SLC16A8: variants seen among roughly 807,000 people sequenced by gnomAD.
SLC16A8 encodes solute carrier family 16 member 8, also known as monocarboxylate transporter 3.
In SLC16A8, 20 loss-of-function variants were observed where a neutral mutation model predicts 22.4. That is an observed-to-expected ratio of 0.89 (90% CI 0.63 to 1.30). SLC16A8 has a LOEUF of 1.30. SLC16A8 is among the 50% of genes most tolerant of loss of function. The probability of loss-of-function intolerance (pLI) is 0.00; values close to 1 mark genes in which losing one functional copy is unlikely to be tolerated. For synonymous variants in SLC16A8, 393 were observed against 358.8 expected, an observed-to-expected ratio of 1.10 and a Z score of -1.08; for missense variants, 817 against 740.3, an observed-to-expected ratio of 1.10 and a Z score of -1.20.
chr22:38,081,657 G>C lies in SLC16A8; in HGVS notation c.381C>G (p.Phe127Leu). The C allele has an allele frequency of 3.3e-6, 5 of 1,525,478 alleles. No homozygotes were observed. The highest frequency in any genetic ancestry group is 4.4e-6 in the Non-Finnish European group (5 of 1,141,540). 94.5% of individuals were successfully genotyped at this position (1,525,478 alleles called of 1,614,324 possible). ...GCCCCAGCATGATGAGCGACGGCTG[G>C]AAGTTGAGGGCCAGGCCCAGGCCTG... ...VLTGLGLALN[F>L]QPSLIMLGLY... The change falls in exon 5 of 6, where the codon TTC becomes TTG. Residue 127 changes from phenylalanine (F) to leucine (L), a missense_variant. Coordinates refer to ENST00000681075, the MANE Select transcript of SLC16A8 (RefSeq NM_013356.3).
chr22:38,080,663 C>T (rs1004625666), intron 5 of SLC16A8, among the ~76,000 whole-genome samples, 177 bp downstream of exon 5: 1 of 152,238 alleles, frequency 6.6e-6, no homozygotes, highest in Non-Finnish European at 1.5e-5. Flanking sequence ...CTTTTCTGTC[C>T]TCACCCAGAG....
At chr22:38,082,243 G>A (rs564791174) in intron 3 of SLC16A8, among the ~76,000 whole-genome samples, 2 of 152,246 alleles carry the variant, frequency 1.3e-5, no homozygotes, top group African/African-American at 4.8e-5. Flanking sequence ...CGGAGCGGGG[G>A]CTTCCGCACC....
chr22:38,082,064 C>A, intron 3 of SLC16A8, 32 bp from the exon 4 acceptor site: 1 of 1,552,502 alleles, frequency 6.4e-7, no homozygotes, highest in East Asian at 2.4e-5. Context: ...CACCCGGGTC[C>A]CGGGATGGCT....
Position 38,081,111 on chromosome 22 carries a change from C to A in SLC16A8, c.927G>T (p.Leu309=), listed in dbSNP as rs375518367. 18 of 1,547,716 alleles carry A rather than the reference C, an allele frequency of 1.2e-5. No individual in the cohort carries two copies. The South Asian group carries it at 1.9e-4, about 16-fold the overall frequency. The change falls in exon 5 of 6, where the codon CTG becomes CTT. Residue 309 remains leucine (L), a synonymous_variant. Transcript: ENST00000681075. ...GCGGCCGCAGACGCGCCAGGCCCGC[C>A]AGGGCGCCGCACGCCGGGCGCGCCA... ...DIVARPACGA[L]AGLARLRPHV...
At chr22:38,081,747 G>C (rs1285516829) in intron 4 of SLC16A8, 68 bp from the exon 5 acceptor site, 1 of 1,456,908 alleles carries the variant, frequency 6.9e-7, no homozygotes, top group Admixed American at 2.6e-5. Context: ...AGGAGGGAGG[G>C]GCCAGGCCCG....
chr22:38,081,035 G>C lies in SLC16A8; in HGVS notation c.1003C>G (p.Leu335Val). The change falls in exon 5 of 6, where the codon CTG (leucine) becomes GTG (valine). Residue 335 changes from leucine to valine, a missense_variant. Physicochemically the swap from Leu to Val is conservative, Grantham distance 32. Transcript: ENST00000681075. ...TAGGAGCGCGCGCGTGCGCTGCTCAGGTCTGTGAGCCCATTGGCCAGCAGG... is the reference window on the plus strand; with the variant it reads ...TAGGAGCGCGCGCGTGCGCTGCTCACGTCTGTGAGCCCATTGGCCAGCAGG... ...LALLANGLTDLSSARARSYGA... is the reference protein window; with the variant it reads ...LALLANGLTDVSSARARSYGA... The C allele has an allele frequency of 1.3e-6, 2 of 1,594,700 alleles. No individual in the cohort carries two copies. Among genetic ancestry groups the C allele is most frequent in the South Asian group, 1.1e-5 (1 of 89,360 alleles).
Position 38,078,694 on chromosome 22 carries a change from C to T in SLC16A8, c.1209G>A (p.Val403=), listed in dbSNP as rs1441406187. 1 of 1,603,008 alleles carries T rather than the reference C, an allele frequency of 6.2e-7. No homozygotes were observed. The highest frequency in any genetic ancestry group is 1.3e-5 in the African/African-American group (1 of 74,754). Reference sequence around the variant, plus strand: ...TGATCTCATAGTTCTTCAACACATCCACCAGGCGGCCTGGGGAGGAGGAGG... The same window carrying T: ...TGATCTCATAGTTCTTCAACACATCTACCAGGCGGCCTGGGGAGGAGGAGG... The part of the protein sequence containing the change: ...LIGPPSAGRL[V]DVLKNYEIIF... Residue 403 remains valine (V), a synonymous_variant, in exon 6 of 6, where the codon GTG becomes GTA. Coordinates refer to ENST00000681075, the MANE Select transcript of SLC16A8 (RefSeq NM_013356.3).
chr22:38,079,669 C>A (rs998464101), intron 5 of SLC16A8, among the ~76,000 whole-genome samples: 1 of 152,208 alleles, frequency 6.6e-6, no homozygotes, highest in Admixed American at 6.5e-5. Flanking sequence ...CTCAGCCCCC[C>A]AAAGCGCTGG....
At chr22:38,078,747 G>A (rs1370379143) in intron 5 of SLC16A8, 43 bp from the exon 6 acceptor site, 2 of 1,558,744 alleles carry the variant, frequency 1.3e-6, no homozygotes, top group East Asian at 2.3e-5. Context: ...AGGTCCTGTG[G>A]GGTCCTCCCC....
rs1259740335 is a variant in SLC16A8, at chr22:38,081,615, C to A, written c.423G>T (p.Arg141=). Residue 141 remains arginine, a synonymous_variant, in exon 5 of 6, where the codon CGG becomes CGT. Coordinates refer to ENST00000681075, the MANE Select transcript of SLC16A8 (RefSeq NM_013356.3). ...CCGCCAGCCCGTTGGCCAGAGGCCG[C>A]CGCCGCTCGAAGTACAGCCCCAGCA... ...LIMLGLYFER[R]RPLANGLAAA... The A allele has an allele frequency of 3.9e-6, 6 of 1,520,880 alleles. No homozygotes were observed. In the South Asian group the frequency reaches 7.3e-5, roughly 18 times the overall value. The allele number at this position is 1,520,880 out of a possible 1,614,324, so 94.2% of individuals were successfully genotyped here. A position where few individuals can be genotyped will look rare whatever the true frequency, so the allele number is the denominator to read the frequency against.
intron 3 of SLC16A8, 115 bp from the exon 4 acceptor site, chr22:38,082,147 C>T (rs901368568): frequency 4.7e-6 from 6 of 1,268,784 alleles, no homozygotes; most frequent in African/African-American, 1.5e-5. Context: ...GCCAAGGTCA[C>T]ACAGCTTGGA....
chr22:38,080,204 C>CG lies in SLC16A8; in HGVS notation c.1198+635_1198+636insC, dbSNP rs775322041. On this transcript the variant is annotated intron_variant, in intron 5 of 5. Coordinates refer to ENST00000681075, the MANE Select transcript of SLC16A8 (RefSeq NM_013356.3). ...GCTTGCATAAGGACGCTGTTCCCCC[C>CG]CAACAAGCCCTGCCCATCCATGCTG... 3.0e-4 allele frequency among the ~76,000 whole-genome samples: 45 copies of CG among 152,268 alleles called. No individual in the cohort carries two copies. The Middle Eastern group carries it at 0.01, about 35-fold the overall frequency.
rs1323736900 is a variant in SLC16A8, at chr22:38,083,171, C to T, written c.-138G>A. Reference sequence around the variant, plus strand: ...GCCCCTCAGGGCCTCAGGTGGAAGGCGTCGGGAAGTGGAGCAGGTATGTGC... The same window carrying T: ...GCCCCTCAGGGCCTCAGGTGGAAGGTGTCGGGAAGTGGAGCAGGTATGTGC... On this transcript the variant is annotated 5_prime_UTR_variant, in exon 2 of 6. Transcript: ENST00000681075. The T allele has an allele frequency of 2.3e-6, 1 of 427,554 alleles. No individual in the cohort carries two copies. Among genetic ancestry groups the T allele is most frequent in the Admixed American group, 3.9e-5 (1 of 25,932 alleles). 26.5% of individuals were successfully genotyped at this position (427,554 alleles called of 1,614,324 possible).
Position 38,081,525 on chromosome 22 carries a change from G to T in SLC16A8, c.513C>A (p.Phe171Leu). The T allele has an allele frequency of 1.4e-6, 2 of 1,435,290 alleles. No homozygotes were observed. Among genetic ancestry groups the T allele is most frequent in the Middle Eastern group, 2.5e-4 (1 of 4,018 alleles). 88.9% of individuals were successfully genotyped at this position (1,435,290 alleles called of 1,614,324 possible). ...SPLGQQLLER[F>L]GWRGGFLLLG... ...GCAGCAGGAAGCCGCCGCGCCAGCCGAAGCGCTCCAGCAGCTGCTGGCCGA... is the reference window on the plus strand; with the variant it reads ...GCAGCAGGAAGCCGCCGCGCCAGCCTAAGCGCTCCAGCAGCTGCTGGCCGA... Residue 171 changes from phenylalanine (F) to leucine (L), a missense_variant, in exon 5 of 6, where the codon TTC becomes TTA. By Grantham distance (22) the Phe-to-Leu change is conservative. Coordinates refer to ENST00000681075, the MANE Select transcript of SLC16A8 (RefSeq NM_013356.3).
rs1188492916 is a variant in SLC16A8, at chr22:38,081,266, C to T, written c.772G>A (p.Val258Ile). Reference protein sequence around the residue: ...CTDRAFAVYAVTKFLMALGLF... With the variant: ...CTDRAFAVYAITKFLMALGLF... Reference sequence around the variant, plus strand: ...CCGAGCGCCATCAGGAACTTGGTGACGGCGTACACGGCGAAGGCGCGGTCG... The same window carrying T: ...CCGAGCGCCATCAGGAACTTGGTGATGGCGTACACGGCGAAGGCGCGGTCG... Residue 258 changes from valine to isoleucine, a missense_variant, in exon 5 of 6, where the codon GTC becomes ATC. By Grantham distance (29) the Val-to-Ile change is conservative. Transcript: ENST00000681075. 1.9e-6 allele frequency: 3 copies of T among 1,582,454 alleles called. No homozygotes were observed. The highest frequency in any genetic ancestry group is 1.1e-5 in the South Asian group (1 of 87,056).
Position 38,081,195 on chromosome 22 carries a change from C to A in SLC16A8, c.843G>T (p.Ala281=). The A allele has an allele frequency of 6.4e-7, 1 of 1,560,104 alleles. No homozygotes were observed. Among genetic ancestry groups the A allele is most frequent in the Middle Eastern group, 1.7e-4 (1 of 5,928 alleles). ...AGGCGGCGTCGGTGTCGGGCACGCC[C>A]GCGTCCTTGGCGTAGTTCACCAGCA... ...AILLVNYAKD[A]GVPDTDAAFL... is the part of the protein sequence containing the mutation. Residue 281 remains alanine, a synonymous_variant, in exon 5 of 6, where the codon GCG becomes GCT. Transcript: ENST00000681075.
At chr22:38,082,938 A>T (rs1159048915) in intron 2 of SLC16A8, 57 bp from the exon 3 acceptor site, 2 of 1,099,976 alleles carry the variant, frequency 1.8e-6, no homozygotes, top group East Asian at 5.2e-5. Context: ...CTAGAGAAGG[A>T]GGGGGATGGA....
Position 38,078,531 on chromosome 22 carries a change from C to T in SLC16A8, c.1372G>A (p.Glu458Lys), listed in dbSNP as rs1389588927. 1.9e-6 allele frequency: 3 copies of T among 1,614,206 alleles called. No homozygotes were observed. The highest frequency in any genetic ancestry group is 2.5e-6 in the Non-Finnish European group (3 of 1,180,046). The change falls in exon 6 of 6, where the codon GAG becomes AAG. Residue 458 changes from glutamate (E) to lysine (K), a missense_variant. Physicochemically the swap from Glu to Lys is moderately conservative, Grantham distance 56 (BLOSUM62 1). Coordinates refer to ENST00000681075, the MANE Select transcript of SLC16A8 (RefSeq NM_013356.3). ...EGGASDTEDA[E>K]AEGDSEPLPV... ...AGGGGCTCAGAGTCCCCTTCAGCCT[C>T]AGCGTCCTCAGTGTCACTGGCTCCG...
chr22:38,078,332 G>C lies in SLC16A8; in HGVS notation c.*56C>G. The C allele has an allele frequency of 6.6e-7, 1 of 1,512,702 alleles. No homozygotes were observed. The highest frequency in any genetic ancestry group is 8.9e-7 in the Non-Finnish European group (1 of 1,123,012). 93.7% of individuals were successfully genotyped at this position (1,512,702 alleles called of 1,614,324 possible). Reference sequence around the variant, plus strand: ...AGCCTCCCAGCGTACCAGGCTCTCTGAGACAAGAAGCTGTGTTCCCAAGTC... The same window carrying C: ...AGCCTCCCAGCGTACCAGGCTCTCTCAGACAAGAAGCTGTGTTCCCAAGTC... On this transcript the variant is annotated 3_prime_UTR_variant, in exon 6 of 6. Transcript: ENST00000681075.
Sources: gnomAD v4.1 joint callset for allele counts (sites outside exome capture counted in the v4.1 genomes callset) on GRCh38, gnomAD v4.1.1 for gene constraint, MANE v1.5 for transcripts, NCBI Gene and HGNC (gene_info 2026-07-23, HGNC 2026-07-21) for gene names.